Variants in SVOPL observed in about 807,000 individuals in gnomAD.
The protein encoded by SVOPL is SVOP like.
Under a neutral mutation model 61.0 loss-of-function variants are expected in SVOPL, and 60 were observed. That is an observed-to-expected ratio of 0.98 (90% CI 0.80 to 1.22). The LOEUF (loss-of-function observed/expected upper bound fraction) is 1.22. SVOPL is among the 50% of genes most tolerant of loss of function. The probability of loss-of-function intolerance (pLI) is 0.00; values close to 1 mark genes in which losing one functional copy is unlikely to be tolerated. For missense variants in SVOPL, 662 were observed against 643.9 expected (o/e 1.03, Z -0.30); for synonymous variants, 279 against 250.0 (o/e 1.12, Z -1.09).
Position 138,621,790 on chromosome 7 carries a change from C to CTATCTATG in SVOPL, c.1264-656_1264-655insCATAGATA, listed in dbSNP as rs1472901385. Among the ~76,000 whole-genome samples, 239 of 115,702 alleles carry CTATCTATG rather than the reference C, an allele frequency of 2.1e-3. 29 individuals carry two copies. Among genetic ancestry groups the CTATCTATG allele is most frequent in the Admixed American group, 2.4e-3 (27 of 11,216 alleles). 75.9% of individuals were successfully genotyped at this position (115,702 alleles called of 152,430 possible). ...AATCTTAACAGCATATTCTATCTAT[C>CTATCTATG]TATCTATCTATGTATCTATCTATGT... On this transcript the variant is annotated intron_variant, in intron 13 of 15. Coordinates refer to ENST00000674285, the MANE Select transcript of SVOPL (RefSeq NM_001139456.2).
At position 138,649,246 on chromosome 7, in the gene SVOPL, G is replaced by A. The variant is rs146366547; in HGVS notation, c.535-109C>T. On this transcript the variant is annotated intron_variant, in intron 7 of 15. Coordinates refer to ENST00000674285, the MANE Select transcript of SVOPL (RefSeq NM_001139456.2). ...AAGATTAAAATTCCTTCTGTCCCATGTGCTTCACATATCTTCTTTTGGGAG... is the reference window on the plus strand; with the variant it reads ...AAGATTAAAATTCCTTCTGTCCCATATGCTTCACATATCTTCTTTTGGGAG... 2.4e-5 allele frequency: 33 copies of A among 1,363,918 alleles called. No homozygotes were observed. The East Asian group carries it at 7.3e-4, about 30-fold the overall frequency. 84.5% of individuals were successfully genotyped at this position (1,363,918 alleles called of 1,614,324 possible). A position where few individuals can be genotyped will look rare whatever the true frequency, so the allele number is the denominator to read the frequency against.
intron 4 of SVOPL, among the ~76,000 whole-genome samples, chr7:138,669,439 A>G (rs1398673513): frequency 6.6e-6 from 1 of 152,186 alleles, no homozygotes; most frequent in Non-Finnish European, 1.5e-5. Context: ...ACAAAAAAAA[A>G]GGGAACGCAA....
At chr7:138,620,222 G>T (rs1375842214) in intron 14 of SVOPL, among the ~76,000 whole-genome samples, 1 of 146,408 alleles carries the variant, frequency 6.8e-6, no homozygotes, top group African/African-American at 2.5e-5. Context: ...CCGGGTTCGA[G>T]TGATTCTCGT....
chr7:138,630,784 A>G (rs7781337), intron 9 of SVOPL, among the ~76,000 whole-genome samples: 135 of 152,230 alleles, frequency 8.9e-4, no homozygotes, highest in African/African-American at 3.1e-3. Context: ...CTCTACCAAA[A>G]ATACAAAAAT....
At chr7:138,662,039 C>A (rs1327282657) in intron 5 of SVOPL, 2 of 985,348 alleles carry the variant, frequency 2.0e-6, no homozygotes, top group Non-Finnish European at 2.4e-6. Context: ...GTGAGTCTTT[C>A]TGAATCTGGC....
At chr7:138,635,643 G>A (rs959917385) in intron 9 of SVOPL, among the ~76,000 whole-genome samples, 8 of 152,152 alleles carry the variant, frequency 5.3e-5, no homozygotes, top group African/African-American at 1.9e-4. Context: ...ATGTAGGCAG[G>A]AGCCAGGGAT....
intron 7 of SVOPL, among the ~76,000 whole-genome samples, chr7:138,650,984 C>A (rs988915153): frequency 3.1e-4 from 47 of 151,194 alleles, no homozygotes; most frequent in African/African-American, 1.1e-3. Context: ...TGGGACAGGG[C>A]ACCTAGACTG....
intron 5 of SVOPL, chr7:138,662,445 G>C (rs1802041139): frequency 1.0e-6 from 1 of 985,256 alleles, no homozygotes; most frequent in Non-Finnish European, 1.2e-6. Flanking sequence ...TGCTCTGGGG[G>C]GTTAGAGACT....
chr7:138,671,927 AGACACCCTTT>A, intron 4 of SVOPL, 82 bp downstream of exon 4: 6 of 1,152,342 alleles, frequency 5.2e-6, no homozygotes, highest in Non-Finnish European at 7.5e-6. Flanking sequence ...GGCAGTGGTG[AGACACCCTTT>A]GGCTCTCAGC....
At chr7:138,643,214 C>A (rs1225246814) in intron 9 of SVOPL, among the ~76,000 whole-genome samples, 1 of 151,902 alleles carries the variant, frequency 6.6e-6, no homozygotes, top group African/African-American at 2.4e-5. Context: ...ATCACGAGGT[C>A]AGGAAATCGA....
chr7:138,646,823 G>T (rs1454048690), intron 8 of SVOPL, among the ~76,000 whole-genome samples: 1 of 152,142 alleles, frequency 6.6e-6, no homozygotes, highest in African/African-American at 2.4e-5. Flanking sequence ...CTGGCCAGCA[G>T]AAAGTCTTAG....
chr7:138,661,442 A>AT (rs1429368881), intron 5 of SVOPL: 1 of 983,950 alleles, frequency 1.0e-6, no homozygotes, highest in Admixed American at 6.2e-5. Flanking sequence ...GGTATGCAGA[A>AT]TTTATCAGGT....
intron 14 of SVOPL, among the ~76,000 whole-genome samples, chr7:138,604,546 A>G (rs2116773725): frequency 6.6e-6 from 1 of 151,996 alleles, no homozygotes; most frequent in East Asian, 1.9e-4. Flanking sequence ...GCGTGGTGGC[A>G]GGCACCTGTA....
chr7:138,629,797 A>ATTTTT, intron 10 of SVOPL, among the ~76,000 whole-genome samples: 2 of 152,220 alleles, frequency 1.3e-5, no homozygotes, highest in Non-Finnish European at 1.5e-5. Context: ...TAGGAAGTGA[A>ATTTTT]CTCATATGCT....
chr7:138,635,428 G>A (rs1800424188), intron 9 of SVOPL, among the ~76,000 whole-genome samples: 1 of 151,368 alleles, frequency 6.6e-6, no homozygotes, highest in African/African-American at 2.4e-5. Context: ...ATGGGGGTGG[G>A]GGTCTCACTA....
chr7:138,639,894 A>G (rs987838316), intron 9 of SVOPL, among the ~76,000 whole-genome samples: 1 of 146,278 alleles, frequency 6.8e-6, no homozygotes, highest in Non-Finnish European at 1.5e-5. Context: ...TTGGGACTAC[A>G]GGTGTGCGCC....
chr7:138,609,719 T>TTG (rs1554452869), intron 14 of SVOPL, among the ~76,000 whole-genome samples: 15 of 55,058 alleles, frequency 2.7e-4, no homozygotes, highest in Admixed American at 8.3e-4. Context: ...GTTTTTTTTT[T>TTG]GGGGGGGGTG....
chr7:138,620,486 AG>A (rs1417955788), intron 14 of SVOPL, among the ~76,000 whole-genome samples: 2 of 149,562 alleles, frequency 1.3e-5, no homozygotes, highest in Non-Finnish European at 3.0e-5. Flanking sequence ...CAAAGCAGCA[AG>A]CTCCATAGCC....
intron 4 of SVOPL, among the ~76,000 whole-genome samples, chr7:138,665,289 G>A (rs531711226): frequency 2.0e-5 from 3 of 150,416 alleles, no homozygotes; most frequent in East Asian, 2.0e-4. Context: ...ATTAACAACC[G>A]CTTAGAAAAC....
Sources: allele counts gnomAD v4.1 joint callset (sites outside exome capture counted in the v4.1 genomes callset), GRCh38; gene constraint gnomAD v4.1.1; transcripts MANE v1.5; gene names NCBI Gene and HGNC (gene_info 2026-07-23, HGNC 2026-07-21).